The following ARHGEF4 variants were observed in gnomAD, a reference collection of about 807,000 sequenced individuals.
ARHGEF4 encodes Rho guanine nucleotide exchange factor 4.
ARHGEF4 carries 119 observed loss-of-function variants against 162.0 expected under a neutral mutation model. The ratio of observed to expected loss-of-function variants is 0.73; its 90% CI spans 0.63 to 0.86. The LOEUF is 0.86. Ranked by LOEUF, ARHGEF4 falls within the 40% of genes least tolerant of loss-of-function variation. The pLI is 0.00. For missense variants in ARHGEF4, 2,488 were observed against 2,456.0 expected (o/e 1.01, Z -0.28); for synonymous variants, 1,014 against 979.9 (o/e 1.03, Z -0.65).
At chr2:130,931,999 C>T (rs760998223) in intron 3 of ARHGEF4, among the ~76,000 whole-genome samples, 1 of 152,086 alleles carries the variant, frequency 6.6e-6, no homozygotes, top group East Asian at 1.9e-4. Context: ...CTATATTTTG[C>T]GACCACCACC....
chr2:130,927,580 G>A (rs896552439), intron 2 of ARHGEF4, among the ~76,000 whole-genome samples: 5 of 152,170 alleles, frequency 3.3e-5, no homozygotes, highest in Admixed American at 3.3e-4. Context: ...TTTCTGTCTT[G>A]CTAGGCTGGT....
intron 5 of ARHGEF4, among the ~76,000 whole-genome samples, chr2:131,033,399 C>A (rs989658538): frequency 2.0e-5 from 3 of 152,206 alleles, no homozygotes; most frequent in Admixed American, 1.3e-4. Context: ...AAGAACCAAC[C>A]CCTGCCTGCC....
intron 4 of ARHGEF4, among the ~76,000 whole-genome samples, chr2:131,003,842 T>G (rs2105317163): frequency 6.6e-6 from 1 of 152,296 alleles, no homozygotes; most frequent in Middle Eastern, 3.4e-3. Context: ...TTTTCTGAAA[T>G]CGATGGGCTT....
At chr2:130,884,417 C>G (rs1679384505) in intron 1 of ARHGEF4, among the ~76,000 whole-genome samples, 1 of 151,968 alleles carries the variant, frequency 6.6e-6, no homozygotes, top group African/African-American at 2.4e-5. Flanking sequence ...GTAACATTGT[C>G]GAAGCTGCTT....
chr2:130,997,249 G>A (rs550938814), intron 4 of ARHGEF4, among the ~76,000 whole-genome samples: 27 of 152,224 alleles, frequency 1.8e-4, no homozygotes, highest in Middle Eastern at 3.4e-3. Flanking sequence ...TGTTCAGCTC[G>A]TTTTGCTATT....
intron 5 of ARHGEF4, among the ~76,000 whole-genome samples, chr2:131,038,513 G>C (rs959219329): frequency 1.3e-5 from 2 of 151,330 alleles, no homozygotes; most frequent in Non-Finnish European, 2.9e-5. Context: ...CCCTCCTGCA[G>C]CCTTGCAGTG....
At chr2:131,045,185 T>A (rs1691139594) in intron 12 of ARHGEF4, among the ~76,000 whole-genome samples, 184 bp from the exon 13 acceptor site, 1 of 152,194 alleles carries the variant, frequency 6.6e-6, no homozygotes, top group Non-Finnish European at 1.5e-5. Context: ...CACCAGAGCA[T>A]GCCCTCTGCC....
At chr2:130,979,734 T>TAA (rs776769283) in intron 4 of ARHGEF4, among the ~76,000 whole-genome samples, 53,504 of 92,354 alleles carry the variant, frequency 0.58, 17,481 homozygotes, top group Non-Finnish European at 0.73. Flanking sequence ...AGACTCCATC[T>TAA]AAAAAAAAAA....
intron 1 of ARHGEF4, among the ~76,000 whole-genome samples, chr2:130,872,424 G>A (rs564429738): frequency 4.4e-4 from 67 of 152,212 alleles, no homozygotes; most frequent in African/African-American, 1.5e-3. Flanking sequence ...GCAGCCCCAG[G>A]TACTTCTATC....
At chr2:130,931,285 A>C in intron 3 of ARHGEF4, 28 bp downstream of exon 3, 1 of 1,563,578 alleles carries the variant, frequency 6.4e-7, no homozygotes, top group East Asian at 2.3e-5. Context: ...AGGAGTCCTC[A>C]GACTTGGTCT....
intron 4 of ARHGEF4, among the ~76,000 whole-genome samples, chr2:130,976,107 G>A (rs372742952): frequency 1.3e-5 from 2 of 152,294 alleles, no homozygotes; most frequent in Middle Eastern, 6.8e-3. Flanking sequence ...AAACAAGTGA[G>A]GGAATGGACA....
At position 131,031,112 on chromosome 2, in the gene ARHGEF4, C is replaced by T. The variant is rs548335169; in HGVS notation, c.4125+3028C>T. ...AGAATATGTAGGGGCTAAATTGTGG[C>T]CCTTTCTTATCTTTTTGAGCTCTCA... On this transcript the variant is annotated intron_variant, in intron 5 of 13. Coordinates refer to ENST00000409359, the MANE Select transcript of ARHGEF4 (RefSeq NM_001367493.1). Among the ~76,000 whole-genome samples, 5 of 152,276 alleles carry T rather than the reference C, an allele frequency of 3.3e-5. No homozygotes were observed. In the East Asian group the frequency reaches 9.6e-4, roughly 29 times the overall value.
chr2:130,842,704 G>A (rs548692813), intron 1 of ARHGEF4, among the ~76,000 whole-genome samples: 18 of 152,274 alleles, frequency 1.2e-4, no homozygotes, highest in Admixed American at 8.5e-4. Context: ...GTATTTCCAC[G>A]GCTTTTGGCT....
At position 130,914,189 on chromosome 2, in the gene ARHGEF4, T is replaced by G. The variant is rs1009906329; in HGVS notation, c.243T>G (p.Ser81=). The stretch of plus-strand genomic sequence containing the variant: ...GTGCCTCTGACACAGAGTCCTTGTC[T>G]GGGTACCTCCCGAGGGGAGTCTTCC... ...FESASDTESL[S]GYLPRGVFHP... Residue 81 remains serine (S), a synonymous_variant, in exon 2 of 14, where the codon TCT becomes TCG. Coordinates refer to ENST00000409359, the MANE Select transcript of ARHGEF4 (RefSeq NM_001367493.1). 1 of 1,536,086 alleles carries G rather than the reference T, an allele frequency of 6.5e-7. No individual in the cohort carries two copies. Among genetic ancestry groups the G allele is most frequent in the African/African-American group, 1.4e-5 (1 of 73,158 alleles).
chr2:130,869,570 C>T (rs1350964414), intron 1 of ARHGEF4, among the ~76,000 whole-genome samples: 1 of 152,132 alleles, frequency 6.6e-6, no homozygotes, highest in African/African-American at 2.4e-5. Context: ...TGTGATGGCA[C>T]GAGATGACTC....
At chr2:131,008,622 T>A (rs543710730) in intron 4 of ARHGEF4, among the ~76,000 whole-genome samples, 2 of 152,260 alleles carry the variant, frequency 1.3e-5, no homozygotes, top group South Asian at 4.2e-4. Context: ...TTCTGTTTTG[T>A]TTTGGATTAA....
At chr2:130,919,075 T>G (rs1000085111) in intron 2 of ARHGEF4, among the ~76,000 whole-genome samples, 6 of 152,206 alleles carry the variant, frequency 3.9e-5, no homozygotes, top group Non-Finnish European at 8.8e-5. Flanking sequence ...TCTGCATCTT[T>G]CTTGCTTGCT....
At chr2:130,843,966 G>A (rs1430194303) in intron 1 of ARHGEF4, among the ~76,000 whole-genome samples, 1 of 152,122 alleles carries the variant, frequency 6.6e-6, no homozygotes, top group African/African-American at 2.4e-5. Context: ...GGCACAGCCT[G>A]CCCCACCTCT....
intron 1 of ARHGEF4, among the ~76,000 whole-genome samples, chr2:130,880,921 A>G (rs922897330): frequency 1.3e-5 from 2 of 152,178 alleles, no homozygotes; most frequent in Non-Finnish European, 1.5e-5. Flanking sequence ...TTTGAATCCT[A>G]GCTTTACAGC....
Sources: allele counts gnomAD v4.1 joint callset (sites outside exome capture counted in the v4.1 genomes callset), GRCh38; gene constraint gnomAD v4.1.1; transcripts MANE v1.5; gene names NCBI Gene and HGNC (gene_info 2026-07-23, HGNC 2026-07-21).